Variants in FGGY observed in about 807,000 individuals in gnomAD.
FGGY encodes FGGY carbohydrate kinase domain-containing protein.
A neutral mutation model predicts 71.3 loss-of-function variants in FGGY; 72 were observed. The ratio of observed to expected loss-of-function variants is 1.01; its 90% CI spans 0.84 to 1.23. The LOEUF (loss-of-function observed/expected upper bound fraction) is 1.23. FGGY is among the 50% of genes most tolerant of loss of function. The pLI, the probability that FGGY is intolerant of heterozygous loss-of-function variation, is 0.00. For missense variants in FGGY, 668 were observed against 682.3 expected, an observed-to-expected ratio of 0.98 and a Z score of 0.23; for synonymous variants, 251 against 250.3, an observed-to-expected ratio of 1.00 and a Z score of -0.02.
intron 9 of FGGY, among the ~76,000 whole-genome samples, chr1:59,616,337 T>A (rs2096753790): frequency 6.6e-6 from 1 of 152,176 alleles, no homozygotes; most frequent in African/African-American, 2.4e-5. Context: ...TGTAGGGACA[T>A]GGATGAAGCT....
chr1:59,503,548 T>C (rs1218566690), intron 6 of FGGY, among the ~76,000 whole-genome samples: 1 of 147,858 alleles, frequency 6.8e-6, no homozygotes, highest in Non-Finnish European at 1.5e-5. Flanking sequence ...GGCCTGCTGG[T>C]GGTCACCTAT....
At chr1:59,311,327 T>C (rs142010804) in intron 1 of FGGY, among the ~76,000 whole-genome samples, 3,138 of 152,048 alleles carry the variant, frequency 0.021, 98 homozygotes, top group African/African-American at 0.067. Context: ...GTTTGTTACA[T>C]AGGTATACGT....
At chr1:59,331,726 C>T (rs2048522766) in intron 2 of FGGY, 1 of 151,978 alleles carries the variant, frequency 6.6e-6, no homozygotes. Context: ...TTTTTCTCTC[C>T]ATTGTTTTTC....
rs78443904 is a variant in FGGY at position 59,669,444 on chromosome 1, G to T, written c.1417+2041G>T. Among the ~76,000 whole-genome samples, 48 of 151,426 alleles carry T rather than the reference G, an allele frequency of 3.2e-4. No individual in the cohort carries two copies. In the East Asian group the frequency reaches 8.3e-3, roughly 26 times the overall value. On this transcript the variant is annotated intron_variant, in intron 13 of 15. Coordinates refer to ENST00000303721, the MANE Select transcript of FGGY (RefSeq NM_018291.5). Reference sequence around the variant, plus strand: ...CAGATTGCCTTATAATTGTCCTCAGGAGAAAAACCATAACATTTTATCTAA... The same window carrying T: ...CAGATTGCCTTATAATTGTCCTCAGTAGAAAAACCATAACATTTTATCTAA...
chr1:59,511,944 A>G (rs2094528426), intron 6 of FGGY, among the ~76,000 whole-genome samples: 1 of 152,206 alleles, frequency 6.6e-6, no homozygotes, highest in Non-Finnish European at 1.5e-5. Context: ...CGTGCGTTTA[A>G]GTAGGTTAGT....
At chr1:59,597,040 G>A (rs1178886877) in intron 8 of FGGY, among the ~76,000 whole-genome samples, 1 of 152,128 alleles carries the variant, frequency 6.6e-6, no homozygotes, top group East Asian at 1.9e-4. Context: ...CTCAAGCAGG[G>A]GAGCTACCCA....
chr1:59,468,804 G>A (rs571552370), intron 6 of FGGY, among the ~76,000 whole-genome samples: 5 of 151,462 alleles, frequency 3.3e-5, no homozygotes, highest in Non-Finnish European at 5.9e-5. Flanking sequence ...CATGGGAGGC[G>A]GAGCTTGCAG....
At chr1:59,492,541 G>T (rs1475498154) in intron 6 of FGGY, among the ~76,000 whole-genome samples, 1 of 152,116 alleles carries the variant, frequency 6.6e-6, no homozygotes, top group African/African-American at 2.4e-5. Flanking sequence ...CTGGCTGCTG[G>T]AGTTCAAGGG....
intron 14 of FGGY, among the ~76,000 whole-genome samples, chr1:59,690,544 G>A (rs916638580): frequency 7.9e-5 from 12 of 152,148 alleles, no homozygotes; most frequent in African/African-American, 2.9e-4. Context: ...CTACCCCCAT[G>A]TGCCCATCTC....
At chr1:59,383,044 C>G (rs775624362) in intron 5 of FGGY, among the ~76,000 whole-genome samples, 11 of 152,160 alleles carry the variant, frequency 7.2e-5, no homozygotes, top group Non-Finnish European at 1.2e-4. Flanking sequence ...AGTTGTGTGA[C>G]CTTGGGCAAG....
At chr1:59,556,199 C>A (rs2095683941) in intron 8 of FGGY, among the ~76,000 whole-genome samples, 1 of 152,184 alleles carries the variant, frequency 6.6e-6, no homozygotes, top group African/African-American at 2.4e-5. Context: ...CTGATTTAAT[C>A]CTGTTTAAAT....
At chr1:59,582,007 G>C (rs547768108) in intron 8 of FGGY, among the ~76,000 whole-genome samples, 3 of 150,006 alleles carry the variant, frequency 2.0e-5, no homozygotes, top group Non-Finnish European at 4.4e-5. Context: ...CATTCAGCCT[G>C]TAATCCCAAG....
intron 5 of FGGY, among the ~76,000 whole-genome samples, chr1:59,406,009 T>C (rs1299138707): frequency 6.6e-6 from 1 of 151,732 alleles, no homozygotes; most frequent in Non-Finnish European, 1.5e-5. Flanking sequence ...AACAATAAGA[T>C]AGAAAAGAAG....
chr1:59,369,861 T>G (rs1486495825), intron 4 of FGGY, among the ~76,000 whole-genome samples: 1 of 152,038 alleles, frequency 6.6e-6, no homozygotes, highest in African/African-American at 2.4e-5. Context: ...GTCCTGTCTG[T>G]TAGAAGGAAA....
intron 14 of FGGY, among the ~76,000 whole-genome samples, chr1:59,730,452 A>G (rs1380537076): frequency 6.6e-6 from 1 of 152,156 alleles, no homozygotes; most frequent in African/African-American, 2.4e-5. Context: ...AGCAGGGGCC[A>G]TGTCTGTTTT....
chr1:59,644,689 G>T (rs1200459470), intron 11 of FGGY, among the ~76,000 whole-genome samples: 1 of 151,552 alleles, frequency 6.6e-6, no homozygotes, highest in African/African-American at 2.4e-5. Flanking sequence ...AAAGGTAGAT[G>T]AATATAGGCC....
intron 4 of FGGY, among the ~76,000 whole-genome samples, chr1:59,365,503 C>T (rs2056431282): frequency 6.6e-6 from 1 of 152,246 alleles, no homozygotes; most frequent in Non-Finnish European, 1.5e-5. Context: ...ATCCAGGTCA[C>T]TGTGGCATCT....
intron 4 of FGGY, among the ~76,000 whole-genome samples, chr1:59,351,673 C>T (rs115570294): frequency 0.024 from 3,715 of 152,196 alleles, 174 homozygotes; most frequent in African/African-American, 0.086. Context: ...TACAGTACTC[C>T]ATGGGAGAAC....
intron 7 of FGGY, among the ~76,000 whole-genome samples, chr1:59,535,612 C>T (rs1314822414): frequency 6.6e-6 from 1 of 151,504 alleles, no homozygotes; most frequent in Non-Finnish European, 1.5e-5. Context: ...TGTAAAAGAA[C>T]AGAAATTATA....
Sources: gnomAD v4.1 joint callset for allele counts (sites outside exome capture counted in the v4.1 genomes callset) on GRCh38, gnomAD v4.1.1 for gene constraint, MANE v1.5 for transcripts, NCBI Gene and HGNC (gene_info 2026-07-23, HGNC 2026-07-21) for gene names.